MCPH1: variants seen among roughly 807,000 people sequenced by gnomAD.
MCPH1 encodes microcephalin 1.
Under a neutral mutation model 84.5 loss-of-function variants are expected in MCPH1, and 104 were observed. That is an observed-to-expected ratio of 1.23 (90% CI 1.05 to 1.45). The LOEUF (loss-of-function observed/expected upper bound fraction) is 1.45, where lower values mean the gene tolerates loss of function less well. MCPH1 is among the 40% of genes most tolerant of loss of function. The probability of loss-of-function intolerance (pLI) is 0.00; values close to 1 mark genes in which losing one functional copy is unlikely to be tolerated. For missense variants in MCPH1, 1,498 were observed against 1,005.7 expected, an observed-to-expected ratio of 1.49 and a Z score of -6.62; for synonymous variants, 514 against 366.8, an observed-to-expected ratio of 1.40 and a Z score of -4.58.
chr8:6,415,224 C>T (rs1167359242), intron 3 of MCPH1, among the ~76,000 whole-genome samples: 1 of 151,548 alleles, frequency 6.6e-6, no homozygotes, highest in African/African-American at 2.4e-5. Flanking sequence ...GCTTGAGCAA[C>T]AGAAAAGGAC....
chr8:6,517,764 A>T (rs1312961863), intron 12 of MCPH1, among the ~76,000 whole-genome samples: 1 of 152,024 alleles, frequency 6.6e-6, no homozygotes, highest in East Asian at 1.9e-4. Context: ...AGGTTAAATG[A>T]CTCGCCCAGA....
At chr8:6,556,721 C>G (rs1319104315) in intron 12 of MCPH1, among the ~76,000 whole-genome samples, 1 of 152,042 alleles carries the variant, frequency 6.6e-6, no homozygotes, top group African/African-American at 2.4e-5. Flanking sequence ...TCAGGCAATC[C>G]TCCCACCTCA....
intron 12 of MCPH1, chr8:6,514,865 T>G: frequency 2.6e-6 from 3 of 1,148,964 alleles, no homozygotes; most frequent in Admixed American, 3.6e-5. Flanking sequence ...AGACCCTGAG[T>G]GCAGGACTCA....
intron 8 of MCPH1, among the ~76,000 whole-genome samples, chr8:6,447,696 C>G (rs903985582): frequency 3.9e-5 from 6 of 152,026 alleles, no homozygotes; most frequent in African/African-American, 1.4e-4. Flanking sequence ...ATTACAGGCA[C>G]CCATCACCAT....
At chr8:6,437,801 A>G (rs902442604) in intron 5 of MCPH1, among the ~76,000 whole-genome samples, 2 of 152,094 alleles carry the variant, frequency 1.3e-5, no homozygotes, top group South Asian at 4.1e-4. Context: ...CTTCTGAAAT[A>G]GTTGTTTGAC....
chr8:6,419,105 A>G lies in MCPH1; in HGVS notation c.233+4222A>G, dbSNP rs533181167. 1.8e-4 allele frequency among the ~76,000 whole-genome samples: 27 copies of G among 150,178 alleles called. 1 individual carries two copies. Among genetic ancestry groups the G allele is most frequent in the African/African-American group, 6.2e-4 (25 of 40,374 alleles). On this transcript the variant is annotated intron_variant, in intron 3 of 13. Transcript: ENST00000344683. ...TTTTATTTCAGTCAACTTGACTTCA[A>G]CCCTTTTATATTTATATACACATAC...
chr8:6,632,102 G>GACT (rs1241278642), intron 13 of MCPH1, among the ~76,000 whole-genome samples: 1 of 152,142 alleles, frequency 6.6e-6, no homozygotes, highest in Non-Finnish European at 1.5e-5. Flanking sequence ...AATATCATAC[G>GACT]ACTACACTTA....
Position 6,647,929 on chromosome 8 carries a change from A to ATTTTT in MCPH1, c.*4880_*4881insTTTTT, listed in dbSNP as rs754659338. On this transcript the variant is annotated 3_prime_UTR_variant, in exon 14 of 14. Coordinates refer to ENST00000344683, the MANE Select transcript of MCPH1 (RefSeq NM_024596.5). ...ACACCAATAAAGCTATTTTTTTTAA[A>ATTTTT]AAAAAGAGAGAGAGAGAACGAGAGC... 3 of 151,566 alleles carry ATTTTT rather than the reference A, an allele frequency of 2.0e-5. No individual in the cohort carries two copies. The highest frequency in any genetic ancestry group is 4.4e-5 in the Non-Finnish European group (3 of 67,846). The allele number at this position is 151,566 out of a possible 1,614,324, so 9.4% of individuals were successfully genotyped here. A position where few individuals can be genotyped will look rare whatever the true frequency, so the allele number is the denominator to read the frequency against.
chr8:6,618,151 A>AGTT (rs1167064440), intron 12 of MCPH1, among the ~76,000 whole-genome samples: 1 of 152,262 alleles, frequency 6.6e-6, no homozygotes, highest in Non-Finnish European at 1.5e-5. Flanking sequence ...ATAAACAGCA[A>AGTT]GTTGACTTCA....
At chr8:6,468,886 T>A (rs1040050897) in intron 9 of MCPH1, among the ~76,000 whole-genome samples, 3 of 152,094 alleles carry the variant, frequency 2.0e-5, no homozygotes, top group Non-Finnish European at 4.4e-5. Context: ...GTTTTGAAAC[T>A]GTTACTATAA....
chr8:6,620,756 T>C lies in MCPH1; in HGVS notation c.2215-698T>C, dbSNP rs970356235. On this transcript the variant is annotated intron_variant, in intron 12 of 13. Transcript: ENST00000344683. The stretch of plus-strand genomic sequence containing the variant: ...AATGCGTGTTCAGAATAACTGGGCC[T>C]TCCCGCGGTCCTCTGAGTCAAACAG... 3.3e-5 allele frequency among the ~76,000 whole-genome samples: 5 copies of C among 152,186 alleles called. No individual in the cohort carries two copies. The East Asian group carries it at 9.6e-4, about 29-fold the overall frequency.
chr8:6,544,206 A>G (rs1822122934), intron 12 of MCPH1, among the ~76,000 whole-genome samples: 1 of 152,210 alleles, frequency 6.6e-6, no homozygotes, highest in South Asian at 2.1e-4. Flanking sequence ...TGCCATTTCA[A>G]ATGTTGATAG....
At chr8:6,475,625 G>A (rs1036267784) in intron 9 of MCPH1, among the ~76,000 whole-genome samples, 7 of 152,198 alleles carry the variant, frequency 4.6e-5, no homozygotes, top group African/African-American at 7.2e-5. Flanking sequence ...GAGTCGGGAG[G>A]GCAATGCTCT....
chr8:6,640,379 C>G (rs1003223029), intron 13 of MCPH1, among the ~76,000 whole-genome samples: 1 of 152,066 alleles, frequency 6.6e-6, no homozygotes, highest in African/African-American at 2.4e-5. Context: ...CTGGACATAA[C>G]CCATATTTTC....
chr8:6,454,026 C>T (rs1805400231), intron 8 of MCPH1, among the ~76,000 whole-genome samples: 1 of 152,098 alleles, frequency 6.6e-6, no homozygotes, highest in Admixed American at 6.6e-5. Flanking sequence ...TGAGATAGGA[C>T]CCTGTTTTTG....
At chr8:6,456,070 G>A (rs567710973) in intron 9 of MCPH1, among the ~76,000 whole-genome samples, 1 of 152,256 alleles carries the variant, frequency 6.6e-6, no homozygotes, top group South Asian at 2.1e-4. Context: ...ATGGTTAAAA[G>A]ACATTTAAAA....
At chr8:6,589,220 T>C (rs1828248773) in intron 12 of MCPH1, among the ~76,000 whole-genome samples, 1 of 152,240 alleles carries the variant, frequency 6.6e-6, no homozygotes, top group African/African-American at 2.4e-5. Flanking sequence ...CTCACCTTAA[T>C]CAATGGCTTT....
At chr8:6,431,078 A>G (rs887126612) in intron 3 of MCPH1, among the ~76,000 whole-genome samples, 10 of 152,296 alleles carry the variant, frequency 6.6e-5, no homozygotes, top group Non-Finnish European at 1.0e-4. Context: ...GGACAACCCA[A>G]TTTTGGAGGA....
intron 5 of MCPH1, among the ~76,000 whole-genome samples, chr8:6,438,480 G>A (rs901180368): frequency 1.3e-5 from 2 of 152,128 alleles, no homozygotes; most frequent in African/African-American, 2.4e-5. Context: ...ATAACTTCAT[G>A]GTTCCGGGAC....
Sources: allele counts gnomAD v4.1 joint callset (sites outside exome capture counted in the v4.1 genomes callset), GRCh38; gene constraint gnomAD v4.1.1; transcripts MANE v1.5; gene names NCBI Gene and HGNC (gene_info 2026-07-23, HGNC 2026-07-21).